The following FRMD5 variants were observed in gnomAD, a reference collection of about 807,000 sequenced individuals.
FRMD5 encodes FERM domain-containing protein 5.
FRMD5 carries 20 observed loss-of-function variants against 69.0 expected under a neutral mutation model. That is an observed-to-expected ratio of 0.29 (90% confidence interval 0.20 to 0.42). The LOEUF is 0.42. Among genes scored for constraint, FRMD5 ranks in the 10% least tolerant of loss-of-function variants. The pLI is 1.00. For missense variants in FRMD5, 595 were observed against 708.6 expected, an observed-to-expected ratio of 0.84 and a Z score of 1.82; for synonymous variants, 271 against 260.1, an observed-to-expected ratio of 1.04 and a Z score of -0.40.
intron 1 of FRMD5, among the ~76,000 whole-genome samples, chr15:43,963,581 C>T (rs1162986475): frequency 6.6e-6 from 1 of 152,184 alleles, no homozygotes; most frequent in Non-Finnish European, 1.5e-5. Flanking sequence ...GATTATAAAT[C>T]ATGCTGCTAT....
chr15:43,997,455 C>A (rs981377420), intron 1 of FRMD5, among the ~76,000 whole-genome samples: 1 of 152,224 alleles, frequency 6.6e-6, no homozygotes, highest in African/African-American at 2.4e-5. Flanking sequence ...TTCTTACCAA[C>A]ACATTCTCTT....
intron 1 of FRMD5, among the ~76,000 whole-genome samples, chr15:44,152,183 T>C (rs911917145): frequency 1.3e-5 from 2 of 152,230 alleles, no homozygotes; most frequent in African/African-American, 4.8e-5. Flanking sequence ...TACTCCAGCC[T>C]GGGTGATAGA....
At chr15:44,020,640 C>T (rs562508718) in intron 1 of FRMD5, among the ~76,000 whole-genome samples, 97 of 152,306 alleles carry the variant, frequency 6.4e-4, no homozygotes, top group African/African-American at 2.2e-3. Context: ...TTTGCTAAAT[C>T]AATGAATAAT....
chr15:43,993,106 G>A (rs1476590675), intron 1 of FRMD5, among the ~76,000 whole-genome samples: 4 of 152,076 alleles, frequency 2.6e-5, no homozygotes, highest in Non-Finnish European at 5.9e-5. Flanking sequence ...ACTTTGGTGG[G>A]CAGAAAAGAT....
chr15:43,905,977 C>T, intron 5 of FRMD5, 26 bp from the exon 6 acceptor site: 6 of 1,614,068 alleles, frequency 3.7e-6, no homozygotes, highest in Non-Finnish European at 5.1e-6. Flanking sequence ...TGGAAGAAAA[C>T]AATTGTGGAG....
intron 1 of FRMD5, among the ~76,000 whole-genome samples, chr15:44,017,614 CTTT>C (rs34121302): frequency 4.4e-5 from 6 of 135,280 alleles, no homozygotes; most frequent in Non-Finnish European, 3.2e-5. Flanking sequence ...CCAAATATTT[CTTT>C]TTTTTTTTTT....
At chr15:44,195,283 G>A (rs907967033), upstream of FRMD5, 21 of 510,904 alleles carry the variant, frequency 4.1e-5, no homozygotes, top group East Asian at 7.7e-4. Flanking sequence ...TCTCCTCGGC[G>A]CCCCAGTGCC....
intron 1 of FRMD5, among the ~76,000 whole-genome samples, chr15:44,025,099 G>A (rs1380790708): frequency 6.6e-6 from 1 of 152,184 alleles, no homozygotes; most frequent in Non-Finnish European, 1.5e-5. Context: ...GTGGTATTGT[G>A]AGGAATAGAG....
At chr15:43,938,064 T>C (rs2089792151) in intron 1 of FRMD5, among the ~76,000 whole-genome samples, 1 of 151,926 alleles carries the variant, frequency 6.6e-6, no homozygotes, top group Non-Finnish European at 1.5e-5. Context: ...ACTCTGTCTC[T>C]ACTAAAAACA....
intron 1 of FRMD5, among the ~76,000 whole-genome samples, chr15:44,130,187 T>C (rs1016732369): frequency 4.6e-5 from 7 of 152,188 alleles, no homozygotes; most frequent in Non-Finnish European, 1.0e-4. Flanking sequence ...TCGTCACCAT[T>C]ATCACATCTA....
intron 1 of FRMD5, among the ~76,000 whole-genome samples, chr15:44,009,085 C>T (rs1890595324): frequency 1.3e-5 from 2 of 152,042 alleles, no homozygotes; most frequent in Admixed American, 1.3e-4. Flanking sequence ...CATGTCTGTC[C>T]CATCATCTTA....
intron 1 of FRMD5, among the ~76,000 whole-genome samples, chr15:44,050,561 G>T: frequency 6.9e-6 from 1 of 145,858 alleles, no homozygotes; most frequent in Non-Finnish European, 1.5e-5. Context: ...GTAGAGATAT[G>T]GTCTTGCTAT....
intron 1 of FRMD5, among the ~76,000 whole-genome samples, chr15:44,090,730 G>A (rs1272220171): frequency 1.3e-5 from 2 of 152,142 alleles, no homozygotes; most frequent in East Asian, 1.9e-4. Flanking sequence ...GTGAGCCACT[G>A]TGCCTGGGCG....
rs376296784 is a variant in FRMD5 at position 43,907,477 on chromosome 15, C to T, written c.428-1526G>A. ...CTCGACCTCCTGGACTGAAGTGATC[C>T]GCCCACCTCAGCCTATAGCTGAGAC... On this transcript the variant is annotated intron_variant, in intron 5 of 13. Coordinates refer to ENST00000417257, the MANE Select transcript of FRMD5 (RefSeq NM_032892.5). 1.4e-4 allele frequency among the ~76,000 whole-genome samples: 21 copies of T among 151,798 alleles called. No individual in the cohort carries two copies. In the East Asian group the frequency reaches 2.1e-3, roughly 15 times the overall value.
chr15:44,166,641 G>A (rs1157024881), intron 1 of FRMD5, among the ~76,000 whole-genome samples: 1 of 151,726 alleles, frequency 6.6e-6, no homozygotes, highest in Admixed American at 6.6e-5. Context: ...AAAATTAGCT[G>A]GGCGTGGTGG....
At chr15:44,108,719 T>A (rs1187910663) in intron 1 of FRMD5, among the ~76,000 whole-genome samples, 1 of 151,886 alleles carries the variant, frequency 6.6e-6, no homozygotes, top group Non-Finnish European at 1.5e-5. Context: ...CTCAACACTT[T>A]GGGTGGTGGC....
chr15:44,013,319 G>C (rs1406768287), intron 1 of FRMD5, among the ~76,000 whole-genome samples: 4 of 152,162 alleles, frequency 2.6e-5, no homozygotes, highest in African/African-American at 9.7e-5. Flanking sequence ...CTTGAGCCCA[G>C]GAGTTTGAGG....
intron 1 of FRMD5, among the ~76,000 whole-genome samples, chr15:44,060,143 G>A (rs191072907): frequency 6.6e-6 from 1 of 152,314 alleles, no homozygotes; most frequent in African/African-American, 2.4e-5. Flanking sequence ...CAGCAAGGTT[G>A]CAAGTAGCAG....
At chr15:44,188,351 A>C (rs2078137676) in intron 1 of FRMD5, among the ~76,000 whole-genome samples, 1 of 152,174 alleles carries the variant, frequency 6.6e-6, no homozygotes, top group South Asian at 2.1e-4. Context: ...GAATAAATCA[A>C]AAGTTAGAAA....
Sources: allele counts gnomAD v4.1 joint callset (sites outside exome capture counted in the v4.1 genomes callset), GRCh38; gene constraint gnomAD v4.1.1; transcripts MANE v1.5; gene names NCBI Gene and HGNC (gene_info 2026-07-23, HGNC 2026-07-21).